The following SNTB1 variants were observed in gnomAD, a reference collection of about 807,000 sequenced individuals.
SNTB1 encodes syntrophin beta 1.
Under a neutral mutation model 48.9 loss-of-function variants are expected in SNTB1, and 36 were observed. That is an observed-to-expected ratio of 0.74 (90% CI 0.56 to 0.97). The LOEUF (loss-of-function observed/expected upper bound fraction) is 0.97. Ranked by LOEUF, SNTB1 falls within the 50% of genes least tolerant of loss-of-function variation. The pLI is 0.00. For synonymous variants in SNTB1, 299 were observed against 294.6 expected, an observed-to-expected ratio of 1.01 and a Z score of -0.15; for missense variants, 786 against 703.4, an observed-to-expected ratio of 1.12 and a Z score of -1.33.
chr8:120,780,054 T>C (rs1819807777), intron 1 of SNTB1, among the ~76,000 whole-genome samples: 1 of 150,630 alleles, frequency 6.6e-6, no homozygotes, highest in Non-Finnish European at 1.5e-5. Flanking sequence ...TAAAAGCCTA[T>C]TGATGACATA....
chr8:120,650,410 T>A (rs530669942), intron 2 of SNTB1, among the ~76,000 whole-genome samples: 2 of 152,298 alleles, frequency 1.3e-5, no homozygotes, highest in East Asian at 3.9e-4. Context: ...CCAAATTATT[T>A]GTCAATTATT....
At chr8:120,718,273 C>A (rs1389768980) in intron 1 of SNTB1, among the ~76,000 whole-genome samples, 1 of 152,238 alleles carries the variant, frequency 6.6e-6, no homozygotes, top group Non-Finnish European at 1.5e-5. Context: ...TTTCAGAAAA[C>A]CTCTAGGCTC....
chr8:120,772,858 G>T (rs1462728467), intron 1 of SNTB1, among the ~76,000 whole-genome samples: 1 of 152,100 alleles, frequency 6.6e-6, no homozygotes, highest in Non-Finnish European at 1.5e-5. Context: ...AAGAAAAGAA[G>T]ATGGGGAAAA....
At chr8:120,760,042 T>C (rs1038772698) in intron 1 of SNTB1, among the ~76,000 whole-genome samples, 7 of 152,212 alleles carry the variant, frequency 4.6e-5, no homozygotes, top group Non-Finnish European at 1.0e-4. Flanking sequence ...CAATCTGCCA[T>C]AGACTACATA....
At chr8:120,627,140 G>T (rs1816896683) in intron 3 of SNTB1, among the ~76,000 whole-genome samples, 1 of 152,124 alleles carries the variant, frequency 6.6e-6, no homozygotes, top group Non-Finnish European at 1.5e-5. Context: ...CGATGTGATT[G>T]GTCACCAGTC....
chr8:120,720,360 G>A (rs995451950), intron 1 of SNTB1, among the ~76,000 whole-genome samples: 2 of 152,308 alleles, frequency 1.3e-5, no homozygotes, highest in African/African-American at 4.8e-5. Flanking sequence ...ACAATGCATG[G>A]CCAGTGAGTA....
chr8:120,673,894 C>T (rs66856703), intron 2 of SNTB1, among the ~76,000 whole-genome samples: 43,929 of 151,958 alleles, frequency 0.29, 7,371 homozygotes, highest in Admixed American at 0.37. Context: ...GGGAGTCGAC[C>T]TAAGATAATC....
chr8:120,736,014 C>T (rs750070993), intron 1 of SNTB1, among the ~76,000 whole-genome samples: 15 of 152,102 alleles, frequency 9.9e-5, no homozygotes, highest in African/African-American at 1.7e-4. Flanking sequence ...TTAATTGACT[C>T]ACAGTTCAGC....
chr8:120,550,610 C>T (rs1011416960), intron 4 of SNTB1, among the ~76,000 whole-genome samples: 1 of 149,028 alleles, frequency 6.7e-6, no homozygotes, highest in Admixed American at 6.7e-5. Context: ...GAGTCTAGGA[C>T]AGTGTGAAGG....
At chr8:120,725,986 C>G (rs1818749717) in intron 1 of SNTB1, among the ~76,000 whole-genome samples, 1 of 152,128 alleles carries the variant, frequency 6.6e-6, no homozygotes, top group Admixed American at 6.6e-5. Flanking sequence ...CCAATCTGAT[C>G]AATCTGACAG....
Position 120,548,824 on chromosome 8 carries a change from C to T in SNTB1, c.1271G>A (p.Trp424Ter). Residue 424 changes from tryptophan (W) to a stop codon, truncating the protein, a stop_gained, in exon 5 of 7, where the codon TGG (tryptophan) becomes TAG (stop). Coordinates refer to ENST00000517992, the MANE Select transcript of SNTB1 (RefSeq NM_021021.4). LOFTEE classifies it high-confidence loss of function. ...GCAACCCTGTACTATGCTCCTTGTC[C>T]AGTGGGAGAGGTCCCTGCTGGTCTC... ...RAETSRDLSH[W>*]TRSIVQGCHN... is the part of the protein sequence containing the mutation. 1 of 1,614,118 alleles carries T rather than the reference C, an allele frequency of 6.2e-7. No individual in the cohort carries two copies. The highest frequency in any genetic ancestry group is 8.5e-7 in the Non-Finnish European group (1 of 1,179,994).
At chr8:120,554,915 C>T (rs563168378) in intron 4 of SNTB1, among the ~76,000 whole-genome samples, 2 of 152,278 alleles carry the variant, frequency 1.3e-5, no homozygotes, top group African/African-American at 4.8e-5. Flanking sequence ...AAGCTTCTTG[C>T]TTTGTTCAAG....
chr8:120,798,462 T>C lies in SNTB1; in HGVS notation c.571+12811A>G, dbSNP rs191576274. ...GCACCAAGTGAGTAGAGGCTAGAGATGCTGCTAAACATCCTATAATACAAA... is the reference window on the plus strand; with the variant it reads ...GCACCAAGTGAGTAGAGGCTAGAGACGCTGCTAAACATCCTATAATACAAA... On this transcript the variant is annotated intron_variant, in intron 1 of 6. Coordinates refer to ENST00000517992, the MANE Select transcript of SNTB1 (RefSeq NM_021021.4). 4.6e-5 allele frequency among the ~76,000 whole-genome samples: 7 copies of C among 152,194 alleles called. No individual in the cohort carries two copies. In the East Asian group the frequency reaches 1.2e-3, roughly 25 times the overall value.
At chr8:120,564,732 C>T (rs533615452) in intron 4 of SNTB1, among the ~76,000 whole-genome samples, 85 of 152,016 alleles carry the variant, frequency 5.6e-4, no homozygotes, top group African/African-American at 1.2e-3. Context: ...CCATGCCTGG[C>T]TAATTTTTTT....
intron 2 of SNTB1, among the ~76,000 whole-genome samples, chr8:120,655,434 T>G (rs1817484583): frequency 6.6e-6 from 1 of 152,198 alleles, no homozygotes; most frequent in African/African-American, 2.4e-5. Context: ...CTTTTCTCAT[T>G]TTATCCTCAC....
chr8:120,639,053 T>C (rs1187192174), intron 2 of SNTB1, among the ~76,000 whole-genome samples: 1 of 152,220 alleles, frequency 6.6e-6, no homozygotes, highest in African/African-American at 2.4e-5. Context: ...CCAGCACCTG[T>C]TGTTTCCTGA....
intron 4 of SNTB1, among the ~76,000 whole-genome samples, chr8:120,567,335 C>G (rs145322417): frequency 6.6e-6 from 1 of 151,874 alleles, no homozygotes; most frequent in African/African-American, 2.4e-5. Flanking sequence ...TTTGCAAACC[C>G]TAATAGAATC....
intron 1 of SNTB1, among the ~76,000 whole-genome samples, chr8:120,773,944 A>G (rs761453579): frequency 5.9e-5 from 9 of 152,250 alleles, no homozygotes; most frequent in Non-Finnish European, 1.2e-4. Flanking sequence ...TATAGAAAGG[A>G]AACTAATATT....
chr8:120,784,587 T>C (rs148248712), intron 1 of SNTB1, among the ~76,000 whole-genome samples: 67 of 152,208 alleles, frequency 4.4e-4, no homozygotes, highest in African/African-American at 1.4e-3. Context: ...ACTAATCAGA[T>C]CCCTTCTCTC....
Sources: allele counts gnomAD v4.1 joint callset (sites outside exome capture counted in the v4.1 genomes callset), GRCh38; gene constraint gnomAD v4.1.1; transcripts MANE v1.5; gene names NCBI Gene and HGNC (gene_info 2026-07-23, HGNC 2026-07-21).